The following ARHGAP10 variants were observed in gnomAD, a reference collection of about 807,000 sequenced individuals.
The protein encoded by ARHGAP10 is Rho GTPase activating protein 10, also known as rho GTPase-activating protein 10.
A neutral mutation model predicts 108.6 loss-of-function variants in ARHGAP10; 87 were observed. The ratio of observed to expected loss-of-function variants is 0.80; its 90% confidence interval spans 0.67 to 0.96. The LOEUF (loss-of-function observed/expected upper bound fraction) is 0.96, where lower values mean the gene tolerates loss of function less well. Ranked by LOEUF, ARHGAP10 falls within the 40% of genes least tolerant of loss-of-function variation. The probability of loss-of-function intolerance (pLI) is 0.00; values close to 1 mark genes in which losing one functional copy is unlikely to be tolerated. For synonymous variants in ARHGAP10, 347 were observed against 341.1 expected, an observed-to-expected ratio of 1.02 and a Z score of -0.19; for missense variants, 939 against 954.5, an observed-to-expected ratio of 0.98 and a Z score of 0.21.
chr4:147,991,618 A>T (rs58710671), intron 18 of ARHGAP10, among the ~76,000 whole-genome samples: 6,166 of 152,308 alleles, frequency 0.04, 395 homozygotes, highest in African/African-American at 0.14. Context: ...TCAGCATGAC[A>T]ACTGCACATG....
At chr4:147,838,968 T>C (rs989707786) in intron 3 of ARHGAP10, among the ~76,000 whole-genome samples, 3 of 152,200 alleles carry the variant, frequency 2.0e-5, no homozygotes, top group African/African-American at 7.2e-5. Context: ...CAAACAGTTG[T>C]TGATCAAAAT....
At chr4:148,002,420 G>A (rs1418602235) in intron 18 of ARHGAP10, among the ~76,000 whole-genome samples, 6 of 152,134 alleles carry the variant, frequency 3.9e-5, no homozygotes, top group Admixed American at 2.0e-4. Context: ...AGATGATGCT[G>A]GCCTCATCAA....
intron 22 of ARHGAP10, among the ~76,000 whole-genome samples, chr4:148,070,078 C>T (rs116623946): frequency 1.1e-3 from 167 of 152,306 alleles, no homozygotes; most frequent in African/African-American, 3.4e-3. Flanking sequence ...GTGTCTGACA[C>T]GGTGCTAGGT....
chr4:147,857,055 G>A (rs1393575791), intron 4 of ARHGAP10, among the ~76,000 whole-genome samples: 1 of 152,110 alleles, frequency 6.6e-6, no homozygotes, highest in Non-Finnish European at 1.5e-5. Flanking sequence ...ATTTCACCAC[G>A]ATAGCTGGCT....
chr4:147,885,722 A>T (rs1462370279), intron 10 of ARHGAP10, among the ~76,000 whole-genome samples: 1 of 151,996 alleles, frequency 6.6e-6, no homozygotes, highest in Admixed American at 6.6e-5. Context: ...TCTCCCTCAG[A>T]TCTCTTGGTC....
intron 19 of ARHGAP10, among the ~76,000 whole-genome samples, chr4:148,045,308 C>G (rs562296186): frequency 1.3e-5 from 2 of 152,296 alleles, no homozygotes; most frequent in African/African-American, 4.8e-5. Flanking sequence ...GAGATTTTCT[C>G]TCTTAACCCT....
chr4:147,911,130 T>C (rs1356980467), intron 12 of ARHGAP10, among the ~76,000 whole-genome samples: 1 of 152,120 alleles, frequency 6.6e-6, no homozygotes, highest in African/African-American at 2.4e-5. Context: ...GAAAACACGG[T>C]TTTGCTAAGC....
At chr4:147,732,987 T>C (rs565179094) in intron 1 of ARHGAP10, among the ~76,000 whole-genome samples, 1 of 152,328 alleles carries the variant, frequency 6.6e-6, no homozygotes, top group African/African-American at 2.4e-5. Context: ...CCGACAGTCC[T>C]GTTCCAGGTC....
At chr4:148,064,033 G>C (rs1258813286) in intron 21 of ARHGAP10, among the ~76,000 whole-genome samples, 1 of 152,222 alleles carries the variant, frequency 6.6e-6, no homozygotes, top group African/African-American at 2.4e-5. Flanking sequence ...CCTTCTGCCG[G>C]CTGGCCGTGT....
chr4:148,047,118 C>T, intron 20 of ARHGAP10, 67 bp downstream of exon 20: 1 of 1,569,802 alleles, frequency 6.4e-7, no homozygotes, highest in Non-Finnish European at 8.7e-7. Flanking sequence ...TTTAAAGTTT[C>T]CATGAGCAGT....
chr4:147,938,936 C>G (rs1367696770), intron 13 of ARHGAP10, among the ~76,000 whole-genome samples: 1 of 152,122 alleles, frequency 6.6e-6, no homozygotes, highest in Non-Finnish European at 1.5e-5. Context: ...TAATGAATTC[C>G]CATATTCTCA....
chr4:147,750,926 A>G (rs542222448), intron 1 of ARHGAP10, among the ~76,000 whole-genome samples: 16 of 152,022 alleles, frequency 1.1e-4, no homozygotes, highest in Non-Finnish European at 1.8e-4. Flanking sequence ...ATTTAAAACA[A>G]TGAGCTTTGG....
intron 1 of ARHGAP10, among the ~76,000 whole-genome samples, chr4:147,818,912 A>G (rs570502262): frequency 7.2e-5 from 11 of 152,376 alleles, no homozygotes; most frequent in African/African-American, 2.6e-4. Flanking sequence ...ATTTTGCATA[A>G]TGAACTCTGG....
In ARHGAP10 at chr4:147,906,565, A is replaced by G. The variant is rs138923719; in HGVS notation, c.1035-73A>G. On this transcript the variant is annotated intron_variant, in intron 10 of 22. Transcript: ENST00000336498. ...TAAAAGTAAAAAAAAAATGGTTACA[A>G]CAGTTAAATCTTAGGAAAAACTTGC... 83 of 1,463,712 alleles carry G rather than the reference A, an allele frequency of 5.7e-5. No homozygotes were observed. The East Asian group carries it at 9.6e-4, about 17-fold the overall frequency. 90.7% of individuals were successfully genotyped at this position (1,463,712 alleles called of 1,614,324 possible). A position where few individuals can be genotyped will look rare whatever the true frequency, so the allele number is the denominator to read the frequency against.
intron 1 of ARHGAP10, among the ~76,000 whole-genome samples, chr4:147,739,607 G>A (rs2126677537): frequency 1.3e-5 from 2 of 152,252 alleles, no homozygotes; most frequent in Middle Eastern, 6.8e-3. Context: ...CCCTAAGAGG[G>A]ATTTTCCTAA....
intron 20 of ARHGAP10, among the ~76,000 whole-genome samples, chr4:148,062,009 G>A (rs115712360): frequency 1.3e-4 from 20 of 152,264 alleles, no homozygotes; most frequent in African/African-American, 4.1e-4. Flanking sequence ...AGAGCAGGGC[G>A]GGGAGCTTGA....
chr4:148,004,045 G>A (rs568133317), intron 18 of ARHGAP10, among the ~76,000 whole-genome samples: 36 of 139,388 alleles, frequency 2.6e-4, no homozygotes, highest in Admixed American at 8.4e-4. Context: ...TTCTGTGAGG[G>A]TTTGGCAGTG....
At chr4:147,840,006 G>A (rs748586392) in intron 3 of ARHGAP10, among the ~76,000 whole-genome samples, 1 of 152,168 alleles carries the variant, frequency 6.6e-6, no homozygotes, top group African/African-American at 2.4e-5. Flanking sequence ...GCATGGAAAT[G>A]TACTTTGTAC....
intron 11 of ARHGAP10, among the ~76,000 whole-genome samples, chr4:147,907,294 C>G (rs555838357): frequency 1.3e-5 from 2 of 152,284 alleles, no homozygotes; most frequent in South Asian, 4.1e-4. Flanking sequence ...TGAAACACTA[C>G]TTTCATTTTG....
Sources: gnomAD v4.1 joint callset for allele counts (sites outside exome capture counted in the v4.1 genomes callset) on GRCh38, gnomAD v4.1.1 for gene constraint, MANE v1.5 for transcripts, NCBI Gene and HGNC (gene_info 2026-07-23, HGNC 2026-07-21) for gene names.